MARCHF1: variants seen among roughly 807,000 people sequenced by gnomAD.
MARCHF1 encodes the protein E3 ubiquitin-protein ligase MARCHF1.
Under a neutral mutation model 54.2 loss-of-function variants are expected in MARCHF1, and 40 were observed. The ratio of observed to expected loss-of-function variants is 0.74; its 90% CI spans 0.57 to 0.96. The LOEUF (loss-of-function observed/expected upper bound fraction) is 0.96. Among genes scored for constraint, MARCHF1 ranks in the 40% least tolerant of loss-of-function variants. MARCHF1 has a pLI of 0.00. For missense variants in MARCHF1, 586 were observed against 656.5 expected, an observed-to-expected ratio of 0.89 and a Z score of 1.17; for synonymous variants, 236 against 236.3, an observed-to-expected ratio of 1.00 and a Z score of 0.01.
intron 7 of MARCHF1, among the ~76,000 whole-genome samples, chr4:163,587,182 G>C (rs533980795): frequency 6.6e-6 from 1 of 152,266 alleles, no homozygotes; most frequent in Non-Finnish European, 1.5e-5. Flanking sequence ...CTTTGGATGA[G>C]ACAAGTCTCC....
At chr4:163,841,513 ATAGT>A (rs1749338734) in intron 4 of MARCHF1, among the ~76,000 whole-genome samples, 1 of 152,148 alleles carries the variant, frequency 6.6e-6, no homozygotes, top group Non-Finnish European at 1.5e-5. Flanking sequence ...TACAGAAAAT[ATAGT>A]TAATGATATG....
At chr4:164,224,180 T>C (rs901570021) in intron 1 of MARCHF1, among the ~76,000 whole-genome samples, 1 of 151,604 alleles carries the variant, frequency 6.6e-6, no homozygotes, top group Non-Finnish European at 1.5e-5. Flanking sequence ...CAATTCTATT[T>C]TGTGTCTGCA....
chr4:163,749,164 T>C (rs1746446668), intron 4 of MARCHF1, among the ~76,000 whole-genome samples: 1 of 152,186 alleles, frequency 6.6e-6, no homozygotes, highest in South Asian at 2.1e-4. Context: ...TTTAATGCTA[T>C]TGTAAGTGGT....
At position 163,964,174 on chromosome 4, in the gene MARCHF1, T is replaced by C. The variant is rs960380936; in HGVS notation, c.-39+24327A>G. Reference sequence around the variant, plus strand: ...TCTATAACATTTATTATACAAATAATAATTTGATATTTAGCAAATTTTACT... The same window carrying C: ...TCTATAACATTTATTATACAAATAACAATTTGATATTTAGCAAATTTTACT... On this transcript the variant is annotated intron_variant, in intron 3 of 9. Transcript: ENST00000514618. 3.9e-5 allele frequency among the ~76,000 whole-genome samples: 6 copies of C among 152,038 alleles called. No homozygotes were observed. In the South Asian group the frequency reaches 6.2e-4, roughly 16 times the overall value.
intron 3 of MARCHF1, among the ~76,000 whole-genome samples, chr4:163,928,143 A>C (rs1223727945): frequency 1.3e-5 from 2 of 151,958 alleles, no homozygotes; most frequent in Non-Finnish European, 2.9e-5. Flanking sequence ...TACAGTAGAA[A>C]AAATGGAAAG....
intron 3 of MARCHF1, among the ~76,000 whole-genome samples, chr4:163,888,389 G>A (rs970832931): frequency 6.6e-6 from 1 of 152,100 alleles, no homozygotes; most frequent in Non-Finnish European, 1.5e-5. Context: ...AGCCCTTATA[G>A]AATTCTGGTG....
chr4:163,966,342 G>T (rs1428180789), intron 3 of MARCHF1, among the ~76,000 whole-genome samples: 2 of 151,858 alleles, frequency 1.3e-5, no homozygotes, highest in Middle Eastern at 3.4e-3. Context: ...GTTTTTCATA[G>T]CTATAGCCTG....
chr4:164,220,548 C>A (rs28715130), intron 1 of MARCHF1, among the ~76,000 whole-genome samples: 42 of 141,744 alleles, frequency 3.0e-4, no homozygotes, highest in Non-Finnish European at 5.6e-4. Flanking sequence ...TATATATGTA[C>A]TATATATGAT....
At chr4:164,356,386 A>C (rs1206450257) in intron 1 of MARCHF1, among the ~76,000 whole-genome samples, 1 of 140,966 alleles carries the variant, frequency 7.1e-6, no homozygotes, top group African/African-American at 2.6e-5. Context: ...ACAATGATAG[A>C]CTGGATTAAG....
intron 1 of MARCHF1, among the ~76,000 whole-genome samples, chr4:164,351,460 C>T (rs1008140420): frequency 6.6e-6 from 1 of 151,056 alleles, no homozygotes; most frequent in Non-Finnish European, 1.5e-5. Context: ...GACCCCTGAC[C>T]CCCGAGCAGC....
At chr4:163,737,776 T>C (rs1239017215) in intron 4 of MARCHF1, among the ~76,000 whole-genome samples, 1 of 116,718 alleles carries the variant, frequency 8.6e-6, no homozygotes, top group Admixed American at 8.7e-5. Context: ...CTGGAGAGGA[T>C]GTGGAGAAAT....
chr4:163,661,472 TCTC>T (rs1743341068), intron 5 of MARCHF1, among the ~76,000 whole-genome samples: 1 of 151,968 alleles, frequency 6.6e-6, no homozygotes, highest in African/African-American at 2.4e-5. Context: ...CCTTTGTGTC[TCTC>T]CTATTTTGGA....
At chr4:163,749,196 TAA>T (rs1405700780) in intron 4 of MARCHF1, among the ~76,000 whole-genome samples, 5 of 149,206 alleles carry the variant, frequency 3.4e-5, no homozygotes, top group African/African-American at 1.2e-4. Context: ...GATTTCATTT[TAA>T]GTTATCTTTT....
intron 1 of MARCHF1, among the ~76,000 whole-genome samples, chr4:164,296,899 G>A (rs1307469483): frequency 2.0e-5 from 3 of 152,146 alleles, no homozygotes; most frequent in African/African-American, 7.2e-5. Flanking sequence ...ATTTGATAAG[G>A]TTTGGGATAT....
At chr4:164,335,484 A>C (rs770952858) in intron 1 of MARCHF1, among the ~76,000 whole-genome samples, 3 of 151,668 alleles carry the variant, frequency 2.0e-5, no homozygotes, top group Non-Finnish European at 2.9e-5. Context: ...CAGGAGGCTG[A>C]GGCAGGAGAA....
At chr4:163,635,377 A>G (rs1742276704) in intron 5 of MARCHF1, among the ~76,000 whole-genome samples, 1 of 151,838 alleles carries the variant, frequency 6.6e-6, no homozygotes, top group Non-Finnish European at 1.5e-5. Flanking sequence ...AGATAGAAGA[A>G]TCAAATAGAT....
At chr4:163,552,223 C>T (rs1435265642) in intron 8 of MARCHF1, among the ~76,000 whole-genome samples, 1 of 152,192 alleles carries the variant, frequency 6.6e-6, no homozygotes, top group African/African-American at 2.4e-5. Flanking sequence ...AGGTCTTGTA[C>T]TGCACCAAAG....
At chr4:163,626,862 G>T (rs1191876097) in intron 5 of MARCHF1, among the ~76,000 whole-genome samples, 3 of 152,254 alleles carry the variant, frequency 2.0e-5, no homozygotes, top group Non-Finnish European at 2.9e-5. Context: ...GGGAGGTGGA[G>T]GTTGCAGTGA....
intron 8 of MARCHF1, among the ~76,000 whole-genome samples, chr4:163,550,064 C>T (rs1197017933): frequency 2.6e-5 from 4 of 152,080 alleles, no homozygotes; most frequent in African/African-American, 9.7e-5. Flanking sequence ...GGGCGGATTG[C>T]CTGAGCGCAG....
Sources: allele counts gnomAD v4.1 joint callset (sites outside exome capture counted in the v4.1 genomes callset), GRCh38; gene constraint gnomAD v4.1.1; transcripts MANE v1.5; gene names NCBI Gene and HGNC (gene_info 2026-07-23, HGNC 2026-07-21).